RNF144B: variants seen among roughly 807,000 people sequenced by gnomAD.
The protein encoded by RNF144B is E3 ubiquitin-protein ligase RNF144B.
A neutral mutation model predicts 40.2 loss-of-function variants in RNF144B; 25 were observed. That is an observed-to-expected ratio of 0.62 (90% CI 0.45 to 0.87). The LOEUF (loss-of-function observed/expected upper bound fraction) is 0.87, where lower values mean the gene tolerates loss of function less well. Ranked by LOEUF, RNF144B falls within the 40% of genes least tolerant of loss-of-function variation. The probability of loss-of-function intolerance (pLI) is 0.00; values close to 1 mark genes in which losing one functional copy is unlikely to be tolerated. For synonymous variants in RNF144B, 145 were observed against 136.3 expected, an observed-to-expected ratio of 1.06 and a Z score of -0.44; for missense variants, 365 against 373.7, an observed-to-expected ratio of 0.98 and a Z score of 0.19.
intron 1 of RNF144B, among the ~76,000 whole-genome samples, chr6:18,390,300 G>A (rs1794554487): frequency 6.6e-6 from 1 of 152,124 alleles, no homozygotes; most frequent in Non-Finnish European, 1.5e-5. Flanking sequence ...GTATGTGGGA[G>A]GTCTTGGACT....
intron 3 of RNF144B, among the ~76,000 whole-genome samples, chr6:18,438,018 T>TTC (rs1217332764): frequency 1.2e-4 from 18 of 152,148 alleles, no homozygotes; most frequent in Non-Finnish European, 2.1e-4. Context: ...AAGGTGGTGG[T>TTC]TAAAAAAAGA....
At chr6:18,430,114 T>C (rs766784069) in intron 3 of RNF144B, among the ~76,000 whole-genome samples, 3 of 152,218 alleles carry the variant, frequency 2.0e-5, no homozygotes, top group Admixed American at 6.5e-5. Context: ...ATTCTAGACC[T>C]GTGCTGACTA....
rs960872112 is a variant in RNF144B, at chr6:18,422,511, C to T, written c.166-5070C>T. Reference sequence around the variant, plus strand: ...CCTTTGGGCACATTCCCCCTCATCACCTTCCTTCCCACTTGGCTGAGCTAT... The same window carrying T: ...CCTTTGGGCACATTCCCCCTCATCATCTTCCTTCCCACTTGGCTGAGCTAT... On this transcript the variant is annotated intron_variant, in intron 2 of 7. Coordinates refer to ENST00000259939, the MANE Select transcript of RNF144B (RefSeq NM_182757.4). This position sits in a 1 kb window ranked among gnomAD's most constrained non-coding sequence, Gnocchi z 4.7. 6.6e-6 allele frequency among the ~76,000 whole-genome samples: 1 copy of T among 152,160 alleles called. No homozygotes were observed. Among genetic ancestry groups the T allele is most frequent in the African/African-American group, 2.4e-5 (1 of 41,438 alleles).
At position 18,416,986 on chromosome 6, in the gene RNF144B, A is replaced by G. The variant is rs1344837226; in HGVS notation, c.166-10595A>G. 2.0e-5 allele frequency among the ~76,000 whole-genome samples: 3 copies of G among 152,228 alleles called. No homozygotes were observed. The highest frequency in any genetic ancestry group is 7.2e-5 in the African/African-American group (3 of 41,452). On this transcript the variant is annotated intron_variant, in intron 2 of 7. Coordinates refer to ENST00000259939, the MANE Select transcript of RNF144B (RefSeq NM_182757.4). The surrounding 1 kb of genome is among the most constrained non-coding windows in gnomAD (Gnocchi z 5.5). ...TACTAGTAAGAAATAATATAATTGC[A>G]TTAATAAGAAAATAATTCCATTTAC...
intron 6 of RNF144B, 129 bp from the exon 7 acceptor site, chr6:18,463,162 A>G: frequency 3.3e-6 from 2 of 614,690 alleles, no homozygotes; most frequent in South Asian, 3.9e-5. Flanking sequence ...CAGGCTTGGA[A>G]TTCCTAGAGG....
Position 18,464,765 on chromosome 6 carries a change from G to A in RNF144B, c.772-162G>A, listed in dbSNP as rs1328858103. 1.3e-5 allele frequency among the ~76,000 whole-genome samples: 2 copies of A among 152,180 alleles called. No homozygotes were observed. The highest frequency in any genetic ancestry group is 2.9e-5 in the Non-Finnish European group (2 of 68,030). ...CTCATAAACCAACTAACTTCTAAAG[G>A]CCTCGTCTCCAAATACCGTCACATC... On this transcript the variant is annotated intron_variant, in intron 7 of 7. Transcript: ENST00000259939. This position sits in a 1 kb window ranked among gnomAD's most constrained non-coding sequence, Gnocchi z 6.1.
chr6:18,464,880 A>G lies in RNF144B; in HGVS notation c.772-47A>G. 6.3e-7 allele frequency: 1 copy of G among 1,594,718 alleles called. No homozygotes were observed. The highest frequency in any genetic ancestry group is 1.1e-5 in the South Asian group (1 of 90,148). On this transcript the variant is annotated intron_variant, in intron 7 of 7. Coordinates refer to ENST00000259939, the MANE Select transcript of RNF144B (RefSeq NM_182757.4). The surrounding 1 kb of genome is among the most constrained non-coding windows in gnomAD (Gnocchi z 6.1). ...CAGTATAGTTGGAATAAGTATACATATTGAAAGACTTAATTGCTGAAATAT... is the reference window on the plus strand; with the variant it reads ...CAGTATAGTTGGAATAAGTATACATGTTGAAAGACTTAATTGCTGAAATAT...
rs1040750709 is a variant in RNF144B at position 18,414,273 on chromosome 6, T to C, written c.166-13308T>C. ...TCTCTTAAATCTAAGAGATTCTCTT[T>C]TGTAATGTAGCTCAAGAGGAAGTTT... On this transcript the variant is annotated intron_variant, in intron 2 of 7. Transcript: ENST00000259939. The surrounding 1 kb of genome is among the most constrained non-coding windows in gnomAD (Gnocchi z 4.9). Among the ~76,000 whole-genome samples, 3 of 152,198 alleles carry C rather than the reference T, an allele frequency of 2.0e-5. No individual in the cohort carries two copies. The highest frequency in any genetic ancestry group is 4.4e-5 in the Non-Finnish European group (3 of 68,034).
chr6:18,438,686 A>G (rs185282258), intron 3 of RNF144B, among the ~76,000 whole-genome samples: 1 of 152,242 alleles, frequency 6.6e-6, no homozygotes, highest in Non-Finnish European at 1.5e-5. Flanking sequence ...AGTTTTCTCA[A>G]AGCAGATGTC....
chr6:18,451,262 C>T (rs1027131920), intron 4 of RNF144B, among the ~76,000 whole-genome samples: 1 of 152,042 alleles, frequency 6.6e-6, no homozygotes, highest in Non-Finnish European at 1.5e-5. Context: ...CTCCATGTGC[C>T]CAGGGTCTCT....
chr6:18,435,779 A>C lies in RNF144B; in HGVS notation c.271-3905A>C, dbSNP rs1010902346. Among the ~76,000 whole-genome samples the C allele has an allele frequency of 2.0e-5, 3 of 151,706 alleles. No homozygotes were observed. The East Asian group carries it at 5.9e-4, about 30-fold the overall frequency. ...CAGCAAACTATCGCAAGGACAAAAA[A>C]CCAAACACCACATGTTCTCACTCAT... On this transcript the variant is annotated intron_variant, in intron 3 of 7. Transcript: ENST00000259939.
rs756645312 is a variant in RNF144B, at chr6:18,456,381, G to A, written c.332-774G>A. 6.6e-6 allele frequency among the ~76,000 whole-genome samples: 1 copy of A among 152,174 alleles called. No individual in the cohort carries two copies. Among genetic ancestry groups the A allele is most frequent in the Non-Finnish European group, 1.5e-5 (1 of 68,026 alleles). On this transcript the variant is annotated intron_variant, in intron 4 of 7. Transcript: ENST00000259939. The surrounding 1 kb of genome is among the most constrained non-coding windows in gnomAD (Gnocchi z 4.7). ...TCTTCCTTGTTCTTTAATTTCCTGG[G>A]AATGTGGAAGAAACCTCACTATCTG... is the stretch of plus-strand genomic sequence containing the variant.
chr6:18,409,427 G>A (rs984122034), intron 2 of RNF144B, among the ~76,000 whole-genome samples: 1 of 146,120 alleles, frequency 6.8e-6, no homozygotes, highest in Non-Finnish European at 1.5e-5. Context: ...TTCTTTTTCT[G>A]GGTAGATCTC....
At position 18,441,460 on chromosome 6, in the gene RNF144B, C is replaced by G. The variant is rs144432964; in HGVS notation, c.331+1716C>G. 6.6e-6 allele frequency among the ~76,000 whole-genome samples: 1 copy of G among 152,188 alleles called. No individual in the cohort carries two copies. Among genetic ancestry groups the G allele is most frequent in the South Asian group, 2.1e-4 (1 of 4,830 alleles). On this transcript the variant is annotated intron_variant, in intron 4 of 7. Coordinates refer to ENST00000259939, the MANE Select transcript of RNF144B (RefSeq NM_182757.4). This position sits in a 1 kb window ranked among gnomAD's most constrained non-coding sequence, Gnocchi z 4.9. ...TTCTCATGCCTCCATCAGCACTTCT[C>G]CTCTCCCATGACTGCCTGTTACTTC...
rs764798684 is a variant in RNF144B at position 18,464,716 on chromosome 6, C to A, written c.772-211C>A. 4.6e-5 allele frequency among the ~76,000 whole-genome samples: 7 copies of A among 152,136 alleles called. No homozygotes were observed. The highest frequency in any genetic ancestry group is 8.8e-5 in the Non-Finnish European group (6 of 68,014). ...CTGGCATCTGTTCTTGTAAGAGCAC[C>A]AATCCCATCATGAGGGCCCTGCCCT... On this transcript the variant is annotated intron_variant, in intron 7 of 7. Transcript: ENST00000259939. The surrounding 1 kb of genome is among the most constrained non-coding windows in gnomAD (Gnocchi z 6.1).
At position 18,410,069 on chromosome 6, in the gene RNF144B, C is replaced by G. The variant is rs1448609525; in HGVS notation, c.165+10370C>G. Reference sequence around the variant, plus strand: ...AGCATGCCTTTGCCAAAGTTTAATTCTTCAAACCACATATCAGAATGTAAT... The same window carrying G: ...AGCATGCCTTTGCCAAAGTTTAATTGTTCAAACCACATATCAGAATGTAAT... On this transcript the variant is annotated intron_variant, in intron 2 of 7. Transcript: ENST00000259939. This position sits in a 1 kb window ranked among gnomAD's most constrained non-coding sequence, Gnocchi z 4.6. 6.6e-6 allele frequency among the ~76,000 whole-genome samples: 1 copy of G among 152,140 alleles called. No individual in the cohort carries two copies. The highest frequency in any genetic ancestry group is 1.5e-5 in the Non-Finnish European group (1 of 68,022).
chr6:18,463,312 T>C lies in RNF144B; in HGVS notation c.703T>C (p.Tyr235His). Residue 235 changes from tyrosine (Y) to histidine (H), a missense_variant, in exon 7 of 8, where the codon TAT (tyrosine) becomes CAT (histidine). Coordinates refer to ENST00000259939, the MANE Select transcript of RNF144B (RefSeq NM_182757.4). ...NLDNDIFLRHYDKGPCRNKLG... is the reference protein window; with the variant it reads ...NLDNDIFLRHHDKGPCRNKLG... ...TCAGAATGACATTTTCCTCAGACAT[T>C]ATGACAAAGGGCCATGCAGGAATAA... is the stretch of plus-strand genomic sequence containing the variant. 6.2e-7 allele frequency: 1 copy of C among 1,606,888 alleles called. No individual in the cohort carries two copies. The highest frequency in any genetic ancestry group is 2.2e-5 in the East Asian group (1 of 44,852).
Position 18,467,197 on chromosome 6 carries a change from C to CTT in RNF144B, c.*2131_*2132insTT, listed in dbSNP as rs749531415. ...AGAATGTTAATAGTGGCAAAGTCCT[C>CTT]TGTCAGTAAACTCTTTAAGCTTGGT... On this transcript the variant is annotated 3_prime_UTR_variant, in exon 8 of 8. Transcript: ENST00000259939. 14 of 152,706 alleles carry CTT rather than the reference C, an allele frequency of 9.2e-5. No homozygotes were observed. The highest frequency in any genetic ancestry group is 8.3e-4 in the South Asian group (4 of 4,830). 9.5% of individuals were successfully genotyped at this position (152,706 alleles called of 1,614,324 possible).
rs528974601 is a variant in RNF144B, at chr6:18,460,328, G to T, written c.681+577G>T. 2.6e-5 allele frequency among the ~76,000 whole-genome samples: 4 copies of T among 152,242 alleles called. No individual in the cohort carries two copies. Among genetic ancestry groups the T allele is most frequent in the Admixed American group, 2.0e-4 (3 of 15,284 alleles). On this transcript the variant is annotated intron_variant, in intron 6 of 7. Transcript: ENST00000259939. The surrounding 1 kb of genome is among the most constrained non-coding windows in gnomAD (Gnocchi z 4.4). ...GTCGTTGCTCCCTCTGACCACAGCT[G>T]GGAAAGGTTCTCTGCCTGAAGGACC...
Sources: allele counts gnomAD v4.1 joint callset (sites outside exome capture counted in the v4.1 genomes callset), GRCh38; gene constraint gnomAD v4.1.1; non-coding constraint Gnocchi (gnomAD v3.1); transcripts MANE v1.5; gene names NCBI Gene and HGNC (gene_info 2026-07-23, HGNC 2026-07-21).